The following PACRG variants were observed in gnomAD, a reference collection of about 807,000 sequenced individuals.
The protein encoded by PACRG is parkin coregulated gene protein.
In PACRG, 29 loss-of-function variants were observed where a neutral mutation model predicts 29.7. The observed-to-expected ratio is 0.98, with a 90% CI of 0.73 to 1.33. PACRG has a LOEUF of 1.33. PACRG is among the 40% of genes most tolerant of loss of function. PACRG has a pLI of 0.00. For synonymous variants in PACRG, 116 were observed against 118.7 expected, an observed-to-expected ratio of 0.98 and a Z score of 0.15; for missense variants, 279 against 316.2, an observed-to-expected ratio of 0.88 and a Z score of 0.89.
rs1554313269 is a variant in PACRG at position 162,947,608 on chromosome 6, A to ATATAT, written c.292-114542_292-114541insTATAT. On this transcript the variant is annotated intron_variant, in intron 2 of 4. Transcript: ENST00000366888. ...CATATATATAATCATATATATATATAATCATATATATATATATATATATAT... is the reference window on the plus strand; with the variant it reads ...CATATATATAATCATATATATATATATATATATCATATATATATATATATATATAT... Among the ~76,000 whole-genome samples, 5 of 66,362 alleles carry ATATAT rather than the reference A, an allele frequency of 7.5e-5. No individual in the cohort carries two copies. The Admixed American group carries it at 9.5e-4, about 13-fold the overall frequency. 43.5% of individuals were successfully genotyped at this position (66,362 alleles called of 152,430 possible). A position where few individuals can be genotyped will look rare whatever the true frequency, so the allele number is the denominator to read the frequency against.
intron 4 of PACRG, among the ~76,000 whole-genome samples, chr6:163,212,392 C>T (rs935242197): frequency 6.6e-6 from 1 of 152,094 alleles, no homozygotes; most frequent in Non-Finnish European, 1.5e-5. Context: ...ACCATTCTCC[C>T]TAAAAAGGAA....
chr6:162,979,972 C>T (rs867340767), intron 2 of PACRG, among the ~76,000 whole-genome samples: 3 of 151,832 alleles, frequency 2.0e-5, no homozygotes, highest in South Asian at 2.1e-4. Context: ...TAGAAATTAA[C>T]AGAAATGAAT....
chr6:163,121,953 C>G (rs535072325), intron 4 of PACRG, among the ~76,000 whole-genome samples: 1 of 151,972 alleles, frequency 6.6e-6, no homozygotes, highest in South Asian at 2.1e-4. Flanking sequence ...TGAGCCACCA[C>G]GCCTGGCCGG....
intron 2 of PACRG, among the ~76,000 whole-genome samples, chr6:162,947,379 TATATATAATCATATATA>T (rs1354183085): frequency 4.3e-5 from 5 of 116,594 alleles, no homozygotes; most frequent in South Asian, 4.8e-4. Context: ...TATATAATCA[TATATATAATCATATATA>T]ATATATAATC....
intron 1 of PACRG, among the ~76,000 whole-genome samples, chr6:162,801,886 A>T (rs1785912498): frequency 6.6e-6 from 1 of 152,196 alleles, no homozygotes; most frequent in Non-Finnish European, 1.5e-5. Context: ...TAAATGGACA[A>T]ATACAGGGAA....
intron 2 of PACRG, among the ~76,000 whole-genome samples, chr6:162,988,327 G>A (rs1319959724): frequency 6.6e-6 from 1 of 152,082 alleles, no homozygotes; most frequent in Non-Finnish European, 1.5e-5. Flanking sequence ...AGAGGAGAAG[G>A]GTCAATCGAG....
chr6:162,783,078 T>A (rs1189075721), intron 1 of PACRG, among the ~76,000 whole-genome samples: 1 of 151,868 alleles, frequency 6.6e-6, no homozygotes, highest in Non-Finnish European at 1.5e-5. Context: ...TAAATTAACA[T>A]CCAGAAATAA....
intron 4 of PACRG, among the ~76,000 whole-genome samples, chr6:163,128,358 A>C (rs899066694): frequency 6.6e-6 from 1 of 152,142 alleles, no homozygotes; most frequent in African/African-American, 2.4e-5. Flanking sequence ...TTAGGAAACG[A>C]AATACAAATA....
rs368279846 is a variant in PACRG, at chr6:163,314,966, C to A, written c.753C>A (p.Tyr251Ter). The A allele has an allele frequency of 1.2e-6, 2 of 1,613,840 alleles. No homozygotes were observed. Residue 251 changes from tyrosine to a stop codon, truncating the protein, a stop_gained, in exon 5 of 5, where the codon TAC (tyrosine) becomes TAA (stop). Transcript: ENST00000366888. LOFTEE classifies it high-confidence loss of function. ...FINIKYVVPT[Y>*]ESCLLN ...ACATTAAGTACGTGGTCCCAACCTA[C>A]GAGTCTTGCTTGCTAAACTAACAGT...
chr6:163,005,023 G>C (rs1804937583), intron 2 of PACRG, among the ~76,000 whole-genome samples: 1 of 151,722 alleles, frequency 6.6e-6, no homozygotes. Flanking sequence ...ATTTCTTTTT[G>C]ACTATGCTTG....
chr6:162,882,865 T>G (rs1794016385), intron 2 of PACRG, among the ~76,000 whole-genome samples: 1 of 152,210 alleles, frequency 6.6e-6, no homozygotes, highest in South Asian at 2.1e-4. Context: ...TACCCTGAAG[T>G]GTTATTTCCC....
At chr6:162,802,791 C>CA (rs1004997238) in intron 1 of PACRG, among the ~76,000 whole-genome samples, 4 of 151,690 alleles carry the variant, frequency 2.6e-5, no homozygotes, top group African/African-American at 4.8e-5. Flanking sequence ...AAAACAAAAA[C>CA]AAAAAAAATG....
At chr6:162,798,012 G>T (rs1474748671) in intron 1 of PACRG, among the ~76,000 whole-genome samples, 1 of 152,062 alleles carries the variant, frequency 6.6e-6, no homozygotes, top group Non-Finnish European at 1.5e-5. Context: ...ACTCTGTATG[G>T]TATTTTTCAT....
chr6:162,964,802 C>A (rs1800896832), intron 2 of PACRG, among the ~76,000 whole-genome samples: 1 of 152,102 alleles, frequency 6.6e-6, no homozygotes, highest in Non-Finnish European at 1.5e-5. Context: ...AGTCACTGAC[C>A]CCCAGGATCA....
intron 4 of PACRG, among the ~76,000 whole-genome samples, chr6:163,280,756 C>A (rs1784200273): frequency 6.6e-6 from 1 of 152,122 alleles, no homozygotes; most frequent in Admixed American, 6.5e-5. Context: ...CGGGAGCAAG[C>A]TTTCTGGCAC....
chr6:163,142,908 A>C (rs1016219244), intron 4 of PACRG, among the ~76,000 whole-genome samples: 1 of 152,210 alleles, frequency 6.6e-6, no homozygotes, highest in Non-Finnish European at 1.5e-5. Flanking sequence ...TCTGAAGATC[A>C]TGAAAAATAA....
chr6:163,158,269 G>A (rs964886202), intron 4 of PACRG, among the ~76,000 whole-genome samples: 5 of 152,312 alleles, frequency 3.3e-5, no homozygotes, highest in African/African-American at 1.2e-4. Context: ...TATTGAGATG[G>A]GCATGAGTGG....
intron 2 of PACRG, among the ~76,000 whole-genome samples, chr6:162,975,300 G>A (rs1801857985): frequency 6.6e-6 from 1 of 152,158 alleles, no homozygotes; most frequent in Non-Finnish European, 1.5e-5. Flanking sequence ...AGACAATATT[G>A]TAAATATAAA....
intron 2 of PACRG, among the ~76,000 whole-genome samples, chr6:162,881,289 C>A (rs915162623): frequency 4.6e-5 from 7 of 152,148 alleles, no homozygotes; most frequent in Middle Eastern, 3.2e-3. Flanking sequence ...CCTTAATGAA[C>A]CTGTTTTCCT....
Sources: allele counts gnomAD v4.1 joint callset (sites outside exome capture counted in the v4.1 genomes callset), GRCh38; gene constraint gnomAD v4.1.1; transcripts MANE v1.5; gene names NCBI Gene and HGNC (gene_info 2026-07-23, HGNC 2026-07-21).